The following DDAH1 variants were observed in gnomAD, a reference collection of about 807,000 sequenced individuals.
DDAH1 encodes dimethylarginine dimethylaminohydrolase 1, also known as N(G),N(G)-dimethylarginine dimethylaminohydrolase 1.
DDAH1 carries 19 observed loss-of-function variants against 28.8 expected under a neutral mutation model. The ratio of observed to expected loss-of-function variants is 0.66; its 90% CI spans 0.46 to 0.97. The LOEUF is 0.97. Among genes scored for constraint, DDAH1 ranks in the 50% least tolerant of loss-of-function variants. The pLI, the probability that DDAH1 is intolerant of heterozygous loss-of-function variation, is 0.00. For missense variants in DDAH1, 326 were observed against 375.9 expected (o/e 0.87, Z 1.10); for synonymous variants, 153 against 154.4 (o/e 0.99, Z 0.07).
chr1:85,462,977 T>A (rs1266375098), intron 1 of DDAH1, among the ~76,000 whole-genome samples: 1 of 152,240 alleles, frequency 6.6e-6, no homozygotes, highest in African/African-American at 2.4e-5. Context: ...GAATTTCAGG[T>A]AGATTAATAC....
At chr1:85,424,034 C>G (rs1414384538) in intron 1 of DDAH1, among the ~76,000 whole-genome samples, 6 of 152,100 alleles carry the variant, frequency 3.9e-5, no homozygotes, top group African/African-American at 1.4e-4. Context: ...TTTTCAAATG[C>G]CGAATCAGCC....
At chr1:85,408,579 T>A (rs1307555434) in intron 1 of DDAH1, among the ~76,000 whole-genome samples, 3 of 152,206 alleles carry the variant, frequency 2.0e-5, no homozygotes, top group Non-Finnish European at 4.4e-5. Context: ...ATTTTTAAAA[T>A]TGCTAAAAAG....
rs2100777128 is a variant in DDAH1, at chr1:85,319,996, T to G, written c.*1456A>C. 6.6e-6 allele frequency: 1 copy of G among 152,336 alleles called. No individual in the cohort carries two copies. The highest frequency in any genetic ancestry group is 6.5e-5 in the Admixed American group (1 of 15,308). 9.4% of individuals were successfully genotyped at this position (152,336 alleles called of 1,614,324 possible). ...ATTTGAAGTGATACTTCTTAATCTC[T>G]TTGATTCTTAATCTTAAACAACAAG... On this transcript the variant is annotated 3_prime_UTR_variant, in exon 6 of 6. Coordinates refer to ENST00000284031, the MANE Select transcript of DDAH1 (RefSeq NM_012137.4).
chr1:85,517,977 G>A (rs71654706), intron 1 of DDAH1, among the ~76,000 whole-genome samples: 15,563 of 152,180 alleles, frequency 0.1, 918 homozygotes, highest in Middle Eastern at 0.21. Context: ...CAAAATTAAT[G>A]AGATGTTATT....
intron 1 of DDAH1, among the ~76,000 whole-genome samples, chr1:85,459,769 C>A (rs1348307725): frequency 1.3e-5 from 2 of 152,008 alleles, no homozygotes; most frequent in Non-Finnish European, 2.9e-5. Flanking sequence ...TGTGCCTAGG[C>A]CATTTAGGGG....
intron 1 of DDAH1, among the ~76,000 whole-genome samples, chr1:85,406,634 A>G (rs1369076233): frequency 6.6e-6 from 1 of 152,194 alleles, no homozygotes; most frequent in Admixed American, 6.5e-5. Context: ...TGAAATATGT[A>G]TACATTGTGG....
chr1:85,497,506 G>C (rs1656641673), intron 1 of DDAH1, among the ~76,000 whole-genome samples: 1 of 152,196 alleles, frequency 6.6e-6, no homozygotes, highest in African/African-American at 2.4e-5. Flanking sequence ...ACATGATTCA[G>C]ATGTTAACAT....
At chr1:85,558,399 T>C (rs1659044731) in intron 1 of DDAH1, among the ~76,000 whole-genome samples, 1 of 152,186 alleles carries the variant, frequency 6.6e-6, no homozygotes, top group Non-Finnish European at 1.5e-5. Context: ...ATTTAAGACA[T>C]ATAGCTGTTT....
At chr1:85,363,906 CTTTTT>C (rs71819142) in intron 1 of DDAH1, among the ~76,000 whole-genome samples, 10 of 130,616 alleles carry the variant, frequency 7.7e-5, no homozygotes, top group African/African-American at 8.7e-5. Flanking sequence ...TGGATGTCAA[CTTTTT>C]TTTTTTTTTT....
intron 1 of DDAH1, among the ~76,000 whole-genome samples, chr1:85,388,320 T>A (rs187428829): frequency 2.0e-5 from 3 of 152,368 alleles, no homozygotes; most frequent in African/African-American, 7.2e-5. Flanking sequence ...ATCTTAGTTA[T>A]GTGCCATTAC....
chr1:85,536,984 TAC>T (rs1215090912), intron 1 of DDAH1, among the ~76,000 whole-genome samples: 4,149 of 27,362 alleles, frequency 0.15, 124 homozygotes, highest in Non-Finnish European at 0.17. Context: ...TATATATATA[TAC>T]GTATATACAT....
At chr1:85,344,882 G>A (rs1648745233) in intron 4 of DDAH1, among the ~76,000 whole-genome samples, 1 of 152,102 alleles carries the variant, frequency 6.6e-6, no homozygotes, top group South Asian at 2.1e-4. Flanking sequence ...ATTAAAAACA[G>A]GGTAGTCTGT....
chr1:85,390,588 G>A (rs1017864596), intron 1 of DDAH1, among the ~76,000 whole-genome samples: 6 of 152,152 alleles, frequency 3.9e-5, no homozygotes, highest in African/African-American at 1.4e-4. Context: ...GGTACCCAAA[G>A]AGGGCATGGG....
intron 2 of DDAH1, among the ~76,000 whole-genome samples, chr1:85,478,912 G>A (rs528416461): frequency 9.2e-5 from 14 of 152,182 alleles, no homozygotes; most frequent in Non-Finnish European, 1.9e-4. Flanking sequence ...TTACATTACT[G>A]TATAATGCTG....
At chr1:85,415,046 G>A (rs900883544) in intron 1 of DDAH1, among the ~76,000 whole-genome samples, 9 of 108,184 alleles carry the variant, frequency 8.3e-5, no homozygotes, top group African/African-American at 2.5e-4. Flanking sequence ...ATGGAGTCTC[G>A]CACTGTCACC....
At chr1:85,520,822 T>A (rs1570636883) in intron 1 of DDAH1, among the ~76,000 whole-genome samples, 1 of 152,204 alleles carries the variant, frequency 6.6e-6, no homozygotes, top group South Asian at 2.1e-4. Flanking sequence ...TTTATGGGCA[T>A]AAACACAGGA....
intron 1 of DDAH1, among the ~76,000 whole-genome samples, chr1:85,453,021 G>T (rs1411907813): frequency 6.6e-6 from 1 of 152,174 alleles, no homozygotes; most frequent in African/African-American, 2.4e-5. Context: ...AACAGACCAA[G>T]TGATAGTAGC....
intron 1 of DDAH1, among the ~76,000 whole-genome samples, chr1:85,385,970 A>C (rs1185240497): frequency 1.3e-5 from 2 of 152,134 alleles, no homozygotes; most frequent in Non-Finnish European, 2.9e-5. Context: ...CTTTTTAACA[A>C]GCAGCTCTTG....
chr1:85,481,936 T>A (rs554810189), intron 2 of DDAH1, among the ~76,000 whole-genome samples: 1 of 152,350 alleles, frequency 6.6e-6, no homozygotes, highest in South Asian at 2.1e-4. Flanking sequence ...GTATCTCTGC[T>A]CACTGGTTTG....
Sources: gnomAD v4.1 joint callset for allele counts (sites outside exome capture counted in the v4.1 genomes callset) on GRCh38, gnomAD v4.1.1 for gene constraint, MANE v1.5 for transcripts, NCBI Gene and HGNC (gene_info 2026-07-23, HGNC 2026-07-21) for gene names.